Variants in PCM1 observed in about 807,000 individuals in gnomAD.
PCM1 encodes pericentriolar material 1 protein.
A neutral mutation model predicts 241.9 loss-of-function variants in PCM1; 157 were observed. The observed-to-expected ratio is 0.65, with a 90% CI of 0.57 to 0.74. The LOEUF is 0.74. PCM1 is among the 30% of genes least tolerant of loss of function. PCM1 has a pLI of 0.00. For synonymous variants in PCM1, 1,085 were observed against 784.9 expected (o/e 1.38, Z -6.39); for missense variants, 3,478 against 2,360.1 (o/e 1.47, Z -9.81).
chr8:17,956,225 G>C (rs762659882), intron 10 of PCM1, among the ~76,000 whole-genome samples: 1 of 152,190 alleles, frequency 6.6e-6, no homozygotes, highest in Non-Finnish European at 1.5e-5. Context: ...GCTCAGTAAT[G>C]TCTGTATACC....
intron 29 of PCM1, among the ~76,000 whole-genome samples, chr8:18,003,941 T>C (rs1335600691): frequency 6.6e-6 from 1 of 152,142 alleles, no homozygotes; most frequent in Non-Finnish European, 1.5e-5. Context: ...TTTATACTTT[T>C]ATTTTAGCAT....
chr8:18,027,208 G>T (rs1395169413), intron 38 of PCM1, among the ~76,000 whole-genome samples: 2 of 152,190 alleles, frequency 1.3e-5, no homozygotes, highest in Admixed American at 6.5e-5. Flanking sequence ...ACTTCTACCT[G>T]TTAGAATATG....
At chr8:17,970,999 G>A (rs1269328512) in intron 22 of PCM1, among the ~76,000 whole-genome samples, 4 of 152,152 alleles carry the variant, frequency 2.6e-5, no homozygotes, top group Non-Finnish European at 5.9e-5. Context: ...TGGCCATATA[G>A]TGTTTATCAT....
chr8:18,009,289 TCATTTGTGCC>T (rs1334679622), intron 30 of PCM1, among the ~76,000 whole-genome samples: 5 of 152,204 alleles, frequency 3.3e-5, no homozygotes, highest in Non-Finnish European at 7.3e-5. Flanking sequence ...CTGTCTGAAT[TCATTTGTGCC>T]CAGCAGTTAC....
At chr8:17,994,977 G>T (rs994937931) in intron 29 of PCM1, among the ~76,000 whole-genome samples, 1 of 151,392 alleles carries the variant, frequency 6.6e-6, no homozygotes, top group African/African-American at 2.5e-5. Flanking sequence ...TCTGTGGGTT[G>T]TCTCTTCACT....
rs182129620 is a variant in PCM1 at position 18,028,099 on chromosome 8, A to G, written c.*437A>G. On this transcript the variant is annotated 3_prime_UTR_variant, in exon 39 of 39. Coordinates refer to ENST00000325083, the MANE Select transcript of PCM1 (RefSeq NM_006197.4). ...AAATATATTATTTGTTATAAAGCCCATCCATTAGGCCAGTCTTCCAACTAA... is the reference window on the plus strand; with the variant it reads ...AAATATATTATTTGTTATAAAGCCCGTCCATTAGGCCAGTCTTCCAACTAA... The G allele has an allele frequency of 1.1e-3, 236 of 205,500 alleles. 1 individual carries two copies. The highest frequency in any genetic ancestry group is 5.1e-3 in the African/African-American group (224 of 43,930). The allele number at this position is 205,500 out of a possible 1,614,324, so 12.7% of individuals were successfully genotyped here.
chr8:17,996,957 G>T (rs114471050), intron 29 of PCM1, among the ~76,000 whole-genome samples: 1,891 of 152,116 alleles, frequency 0.012, 39 homozygotes, highest in African/African-American at 0.043. Flanking sequence ...CACAATTACA[G>T]TGTTATAATA....
chr8:17,935,870 A>G lies in PCM1; in HGVS notation c.96+164A>G, dbSNP rs1053324284. ...TATATTAATTGAAGACACAAATCAA[A>G]TTGAGTTTTTAAGCCCCAAAGCAGA... On this transcript the variant is annotated intron_variant, in intron 3 of 38. Coordinates refer to ENST00000325083, the MANE Select transcript of PCM1 (RefSeq NM_006197.4). Among the ~76,000 whole-genome samples, 10 of 152,338 alleles carry G rather than the reference A, an allele frequency of 6.6e-5. No individual in the cohort carries two copies. In the East Asian group the frequency reaches 1.9e-3, roughly 29 times the overall value.
At chr8:17,936,153 G>T (rs190739211) in intron 3 of PCM1, among the ~76,000 whole-genome samples, 1 of 152,162 alleles carries the variant, frequency 6.6e-6, no homozygotes, top group African/African-American at 2.4e-5. Flanking sequence ...GTGCAGTTAT[G>T]TACTGACTAG....
chr8:17,961,022 T>C (rs2129467474), intron 15 of PCM1, among the ~76,000 whole-genome samples: 1 of 152,314 alleles, frequency 6.6e-6, no homozygotes, highest in East Asian at 1.9e-4. Flanking sequence ...TGTTAAAATA[T>C]TCTGATTTGA....
chr8:17,962,937 T>A, intron 16 of PCM1, 164 bp from the exon 17 acceptor site: 1 of 540,074 alleles, frequency 1.9e-6, no homozygotes, highest in Non-Finnish European at 3.2e-6. Flanking sequence ...TTTTTTGTAA[T>A]CATAACTATA....
intron 2 of PCM1, chr8:17,928,037 A>G (rs1202033312): frequency 6.6e-6 from 1 of 151,822 alleles, no homozygotes; most frequent in Non-Finnish European, 1.5e-5. Flanking sequence ...CATGAGTAGA[A>G]GTGCGTGTTT....
intron 27 of PCM1, 97 bp downstream of exon 27, chr8:17,990,076 AGT>A: frequency 1.0e-6 from 1 of 970,822 alleles, no homozygotes; most frequent in Non-Finnish European, 1.5e-6. Context: ...AGAAAGGCGA[AGT>A]GTGTGTGGTT....
At chr8:17,973,678 C>G (rs2077627319) in intron 23 of PCM1, among the ~76,000 whole-genome samples, 1 of 150,540 alleles carries the variant, frequency 6.6e-6, no homozygotes, top group Non-Finnish European at 1.5e-5. Context: ...CATCATGCCA[C>G]TGTACTCCCA....
intron 30 of PCM1, among the ~76,000 whole-genome samples, chr8:18,008,222 A>AG (rs1251233709): frequency 6.6e-6 from 1 of 152,146 alleles, no homozygotes; most frequent in Non-Finnish European, 1.5e-5. Flanking sequence ...ACCTCCTGTC[A>AG]GATCAGCAGC....
chr8:17,942,994 C>G (rs1180287094), intron 6 of PCM1, among the ~76,000 whole-genome samples: 1 of 83,496 alleles, frequency 1.2e-5, no homozygotes, highest in Admixed American at 1.1e-4. Flanking sequence ...GAGACTCTGT[C>G]TCAAAAAAAA....
intron 29 of PCM1, among the ~76,000 whole-genome samples, chr8:17,997,930 G>T (rs933013743): frequency 1.3e-5 from 2 of 151,840 alleles, no homozygotes; most frequent in Non-Finnish European, 2.9e-5. Flanking sequence ...CAGCTACTTG[G>T]GAGGCCGAGG....
In PCM1 at chr8:17,966,350, C is replaced by T. The variant is rs996141351; in HGVS notation, c.3098C>T (p.Thr1033Ile). Residue 1033 changes from threonine (T) to isoleucine (I), a missense_variant, in exon 20 of 39, where the codon ACT becomes ATT. By Grantham distance (89) the Thr-to-Ile change is moderately conservative. Coordinates refer to ENST00000325083, the MANE Select transcript of PCM1 (RefSeq NM_006197.4). Reference protein sequence around the residue: ...DQQTLSCLLQTLLTGPYSVMP... With the variant: ...DQQTLSCLLQILLTGPYSVMP... ...TAGACTCTATCTTGTCTGCTACAAA[C>T]TCTTCTCACGGGTCCTTACAGTGTT... The T allele has an allele frequency of 1.2e-6, 2 of 1,613,736 alleles. No homozygotes were observed. The highest frequency in any genetic ancestry group is 1.7e-6 in the Non-Finnish European group (2 of 1,179,796).
At chr8:17,967,555 G>A (rs2075367307) in intron 21 of PCM1, among the ~76,000 whole-genome samples, 1 of 152,146 alleles carries the variant, frequency 6.6e-6, no homozygotes, top group Admixed American at 6.5e-5. Context: ...TGATCCACCT[G>A]CCTTGGCCTC....
Sources: gnomAD v4.1 joint callset for allele counts (sites outside exome capture counted in the v4.1 genomes callset) on GRCh38, gnomAD v4.1.1 for gene constraint, MANE v1.5 for transcripts, NCBI Gene and HGNC (gene_info 2026-07-23, HGNC 2026-07-21) for gene names.